Variants in IFT122 observed in about 807,000 individuals in gnomAD.
IFT122 encodes intraflagellar transport protein 122 homolog.
IFT122 carries 118 observed loss-of-function variants against 161.6 expected under a neutral mutation model. That is an observed-to-expected ratio of 0.73 (90% CI 0.63 to 0.85). IFT122 has a LOEUF of 0.85. IFT122 is among the 40% of genes least tolerant of loss of function. IFT122 has a pLI of 0.00. For synonymous variants in IFT122, 550 were observed against 602.4 expected (o/e 0.91, Z 1.27); for missense variants, 1,381 against 1,579.6 (o/e 0.87, Z 2.13).
rs376362722 is a variant in IFT122 at position 129,502,724 on chromosome 3, G to A, written c.2389G>A (p.Ala797Thr). 23 of 1,607,932 alleles carry A rather than the reference G, an allele frequency of 1.4e-5. No homozygotes were observed. The highest frequency in any genetic ancestry group is 1.6e-4 in the Middle Eastern group (1 of 6,084). ...TTCCCTCTCCAGGTTGATCGACATCGCCCGCAAACTGGACAAGGCTGAGCG... is the reference window on the plus strand; with the variant it reads ...TTCCCTCTCCAGGTTGATCGACATCACCCGCAAACTGGACAAGGCTGAGCG... ...HGWVDMLIDI[A>T]RKLDKAEREP... Residue 797 changes from alanine (A) to threonine (T), a missense_variant, in exon 20 of 30, where the codon GCC (alanine) becomes ACC (threonine). By Grantham distance (58) the Ala-to-Thr change is moderately conservative. Around this residue, in one of 7 missense-constraint regions of IFT122, gnomAD observed 496 missense variants for 502.5 expected, o/e 0.99. Coordinates refer to ENST00000348417, the MANE Select transcript of IFT122 (RefSeq NM_052989.3).
At chr3:129,467,207 G>T in intron 8 of IFT122, 141 bp downstream of exon 8, 1 of 717,680 alleles carries the variant, frequency 1.4e-6, no homozygotes, top group South Asian at 1.6e-5. Flanking sequence ...TTCAAAAAAA[G>T]GAGACATACC....
intron 3 of IFT122, among the ~76,000 whole-genome samples, chr3:129,458,384 G>A (rs1343884089): frequency 6.6e-6 from 1 of 152,138 alleles, no homozygotes; most frequent in African/African-American, 2.4e-5. Context: ...CATGTAGTAG[G>A]CTCCCAATAC....
At position 129,514,428 on chromosome 3, in the gene IFT122, C is replaced by G. The variant is rs373152133; in HGVS notation, c.3027C>G (p.Leu1009=). 1 of 1,614,184 alleles carries G rather than the reference C, an allele frequency of 6.2e-7. No individual in the cohort carries two copies. Among genetic ancestry groups the G allele is most frequent in the Non-Finnish European group, 8.5e-7 (1 of 1,180,028 alleles). Residue 1009 remains leucine, a synonymous_variant, in exon 25 of 30, where the codon CTC becomes CTG. Coordinates refer to ENST00000348417, the MANE Select transcript of IFT122 (RefSeq NM_052989.3). Reference sequence around the variant, plus strand: ...CCTTGGCCAAGCAGAGCAAGGCCCTCGGTGCCTACAGGCTGGCCCGGCACG... The same window carrying G: ...CCTTGGCCAAGCAGAGCAAGGCCCTGGGTGCCTACAGGCTGGCCCGGCACG... ...LFTLAKQSKA[L]GAYRLARHAY...
chr3:129,477,744 T>C (rs976002780), intron 11 of IFT122, among the ~76,000 whole-genome samples: 3 of 152,228 alleles, frequency 2.0e-5, no homozygotes, highest in African/African-American at 7.2e-5. Context: ...CAGAGGAGTT[T>C]ATATTTGTAT....
At chr3:129,484,022 A>T in intron 15 of IFT122, 2 of 364,588 alleles carry the variant, frequency 5.5e-6, no homozygotes, top group Non-Finnish European at 1.1e-5. Context: ...GGAGTCCGGC[A>T]GGGTGTGTGT....
At chr3:129,517,447 GC>G (rs760684054) in intron 26 of IFT122, 21 bp from the exon 27 acceptor site, 2 of 1,612,428 alleles carry the variant, frequency 1.2e-6, no homozygotes, top group East Asian at 2.2e-5. Flanking sequence ...AGCCCCCTCA[GC>G]CCTTTCTCTA....
intron 17 of IFT122, among the ~76,000 whole-genome samples, chr3:129,494,010 T>A (rs2080497775): frequency 6.6e-6 from 1 of 152,156 alleles, no homozygotes; most frequent in Non-Finnish European, 1.5e-5. Flanking sequence ...TCAGCATAAT[T>A]CCAGAGAACT....
At chr3:129,511,175 G>C in intron 23 of IFT122, among the ~76,000 whole-genome samples, 1 of 152,188 alleles carries the variant, frequency 6.6e-6, no homozygotes, top group Non-Finnish European at 1.5e-5. Context: ...CTTTCCCAGA[G>C]GAAAGGACTC....
intron 24 of IFT122, chr3:129,513,077 T>C (rs562887889): frequency 6.4e-6 from 1 of 155,170 alleles, no homozygotes; most frequent in Non-Finnish European, 1.4e-5. Context: ...GAGGGGACCC[T>C]GGGTGGGAGG....
At position 129,476,386 on chromosome 3, in the gene IFT122, G is replaced by T. The variant is rs1303130969; in HGVS notation, c.888G>T (p.Leu296Phe). The change falls in exon 10 of 30, where the codon TTG becomes TTT. Residue 296 changes from leucine (L) to phenylalanine (F), a missense_variant. Physicochemically the swap from Leu to Phe is conservative, Grantham distance 22. Coordinates refer to ENST00000348417, the MANE Select transcript of IFT122 (RefSeq NM_052989.3). ...ISYFTKGEYI[L>F]LGGSDKQVSL... ...ACTTTACTAAAGGCGAGTACATTTTGCTGGGGGGTTCAGACAAGCAAGTAT... is the reference window on the plus strand; with the variant it reads ...ACTTTACTAAAGGCGAGTACATTTTTCTGGGGGGTTCAGACAAGCAAGTAT... The T allele has an allele frequency of 2.5e-6, 4 of 1,614,074 alleles. No individual in the cohort carries two copies. In the Admixed American group the frequency reaches 5.0e-5, roughly 20 times the overall value.
intron 20 of IFT122, 137 bp from the exon 21 acceptor site, chr3:129,504,182 T>G (rs925450770): frequency 6.9e-6 from 5 of 724,142 alleles, no homozygotes; most frequent in Admixed American, 6.8e-5. Context: ...TGGGTAGTTT[T>G]TTGGGGGAGG....
intron 21 of IFT122, among the ~76,000 whole-genome samples, chr3:129,505,431 C>T (rs1456469710): frequency 1.3e-5 from 2 of 152,234 alleles, no homozygotes; most frequent in African/African-American, 4.8e-5. Context: ...AGCGCATTCT[C>T]TGCTGCTTCA....
intron 12 of IFT122, among the ~76,000 whole-genome samples, chr3:129,479,573 A>G (rs2078388802): frequency 1.3e-5 from 2 of 152,178 alleles, no homozygotes; most frequent in African/African-American, 4.8e-5. Context: ...GGGGGTTTGC[A>G]TTGAAGATCT....
At position 129,506,654 on chromosome 3, in the gene IFT122, A is replaced by G. The variant is rs137977115; in HGVS notation, c.2791+105A>G. On this transcript the variant is annotated intron_variant, in intron 22 of 29. Transcript: ENST00000348417. ...TTTAATTAAAGCCCTGGGCTTGTTT[A>G]TTGGGTGTATTGTCCATAAGCCTGC... 1,503 of 1,468,864 alleles carry G rather than the reference A, an allele frequency of 1.0e-3. 4 individuals carry two copies. Among genetic ancestry groups the G allele is most frequent in the South Asian group, 2.2e-3 (194 of 87,754 alleles). The allele number at this position is 1,468,864 out of a possible 1,614,324, so 91.0% of individuals were successfully genotyped here.
intron 1 of IFT122, among the ~76,000 whole-genome samples, chr3:129,444,281 G>A (rs1184600033): frequency 1.3e-5 from 2 of 152,212 alleles, no homozygotes; most frequent in African/African-American, 4.8e-5. Flanking sequence ...AACAAGGAAG[G>A]CCCAGGTCTG....
chr3:129,450,814 G>A (rs1049090962), intron 2 of IFT122, among the ~76,000 whole-genome samples: 5 of 146,788 alleles, frequency 3.4e-5, no homozygotes, highest in East Asian at 4.0e-4. Flanking sequence ...TCCACCTCCC[G>A]GGTTCACACC....
At chr3:129,499,048 C>T (rs1480655774) in intron 18 of IFT122, among the ~76,000 whole-genome samples, 1 of 152,222 alleles carries the variant, frequency 6.6e-6, no homozygotes, top group Non-Finnish European at 1.5e-5. Context: ...GGCCCTAGGC[C>T]TGATCTCTGA....
intron 26 of IFT122, among the ~76,000 whole-genome samples, chr3:129,516,306 ACAGAGACTGCCCCTG>A (rs1342474908): frequency 3.1e-4 from 42 of 133,672 alleles, no homozygotes; most frequent in African/African-American, 1.2e-3. Context: ...ACACACACAC[ACAGAGACTGCCCCTG>A]CACACACACA....
intron 3 of IFT122, among the ~76,000 whole-genome samples, chr3:129,454,903 T>C (rs544609410): frequency 6.6e-6 from 1 of 152,250 alleles, no homozygotes; most frequent in Non-Finnish European, 1.5e-5. Context: ...AGGGGACTCT[T>C]ATCTCCGCTC....
Sources: allele counts gnomAD v4.1 joint callset (sites outside exome capture counted in the v4.1 genomes callset), GRCh38; gene constraint gnomAD v4.1.1; regional missense constraint gnomAD v4.1.1; transcripts MANE v1.5; gene names NCBI Gene and HGNC (gene_info 2026-07-23, HGNC 2026-07-21).